Variants in NHS observed in about 807,000 individuals in gnomAD.
NHS encodes NHS actin remodeling regulator.
Under a neutral mutation model 72.5 loss-of-function variants are expected in NHS, and 5 were observed. The ratio of observed to expected loss-of-function variants is 0.07; its 90% CI spans 0.04 to 0.14. The LOEUF (loss-of-function observed/expected upper bound fraction) is 0.14, where lower values mean the gene tolerates loss of function less well. Ranked by LOEUF, NHS falls within the 10% of genes least tolerant of loss-of-function variation. NHS has a pLI of 1.00. For synonymous variants in NHS, 464 were observed against 547.7 expected (o/e 0.85, Z 2.13); for missense variants, 1,072 against 1,355.7 (o/e 0.79, Z 3.29).
intron 1 of NHS, among the ~76,000 whole-genome samples, chrX:17,655,202 G>A (rs774816786): frequency 5.4e-5 from 6 of 111,956 alleles, no homozygotes; most frequent in Non-Finnish European, 9.4e-5. Context: ...CACGGTCGGC[G>A]TTTCTGATTC....
At chrX:17,414,782 G>A (rs2064582665) in intron 1 of NHS, among the ~76,000 whole-genome samples, 1 of 111,623 alleles carries the variant, frequency 9.0e-6, no homozygotes, top group African/African-American at 3.3e-5. Flanking sequence ...CTCTGAAAAC[G>A]ATGAATTAGA....
intron 3 of NHS, among the ~76,000 whole-genome samples, chrX:17,704,231 T>C (rs1306318892): frequency 9.0e-6 from 1 of 110,749 alleles, no homozygotes; most frequent in African/African-American, 3.3e-5. Context: ...TGAGCCATGA[T>C]GGCACCATTG....
chrX:17,596,399 C>T (rs5909459), intron 1 of NHS, among the ~76,000 whole-genome samples: 39,053 of 110,964 alleles, frequency 0.35, 4,908 homozygotes, highest in East Asian at 0.66. Context: ...CAGACATGCC[C>T]AGATGGATAC....
intron 1 of NHS, among the ~76,000 whole-genome samples, chrX:17,463,935 C>A (rs1446436312): frequency 8.9e-6 from 1 of 112,336 alleles, no homozygotes; most frequent in Middle Eastern, 4.2e-3. Flanking sequence ...GCATTCCTTT[C>A]TCCTGGGTGT....
chrX:17,375,683 C>G lies in NHS; in HGVS notation c.-75C>G, dbSNP rs2064341446. On this transcript the variant is annotated 5_prime_UTR_variant, in exon 1 of 9. Coordinates refer to ENST00000676302, the MANE Select transcript of NHS (RefSeq NM_001291867.2). ...GCCGGACTCCTGCCCCCTCCCTGCT[C>G]AGGTGGGCGCGCCCGGTCTCCAGCT... 5 of 1,091,785 alleles carry G rather than the reference C, an allele frequency of 4.6e-6. No homozygotes were observed. In the Admixed American group the frequency reaches 1.3e-4, roughly 28 times the overall value. The allele number at this position is 1,091,785 out of a possible 1,213,427, so 90.0% of individuals were successfully genotyped here.
At chrX:17,706,290 A>G (rs752385707) in intron 3 of NHS, among the ~76,000 whole-genome samples, 2 of 111,852 alleles carry the variant, frequency 1.8e-5, no homozygotes, top group Admixed American at 9.5e-5. Context: ...TTGAGGAAAA[A>G]GGCATCAATG....
intron 1 of NHS, among the ~76,000 whole-genome samples, chrX:17,508,890 C>A (rs1024160292): frequency 2.7e-5 from 3 of 111,997 alleles, no homozygotes; most frequent in African/African-American, 9.8e-5. Context: ...GTTTTCATTT[C>A]TTTTGGGCAT....
chrX:17,723,745 G>GTGTGTGTGTGTGTA (rs2066420508), intron 5 of NHS, among the ~76,000 whole-genome samples: 1 of 93,258 alleles, frequency 1.1e-5, no homozygotes. Context: ...GTGTGTGTGT[G>GTGTGTGTGTGTGTA]TGTGTGTGTG....
intron 1 of NHS, among the ~76,000 whole-genome samples, chrX:17,384,763 G>T (rs752514347): frequency 9.3e-4 from 104 of 112,142 alleles, no homozygotes; most frequent in African/African-American, 3.0e-3. Context: ...CACTGATTTT[G>T]TATGACATTT....
At chrX:17,549,250 A>G (rs1007995208) in intron 1 of NHS, among the ~76,000 whole-genome samples, 2 of 110,098 alleles carry the variant, frequency 1.8e-5, no homozygotes, top group Non-Finnish European at 3.8e-5. Context: ...GTGGCTGTGA[A>G]TAACAGGCTT....
chrX:17,545,767 G>C (rs2065290005), intron 1 of NHS, among the ~76,000 whole-genome samples: 1 of 112,017 alleles, frequency 8.9e-6, no homozygotes, highest in African/African-American at 3.2e-5. Flanking sequence ...TCCTATTCAA[G>C]TCCAAGCGGA....
intron 1 of NHS, among the ~76,000 whole-genome samples, chrX:17,400,790 T>C (rs1362543808): frequency 9.0e-6 from 1 of 111,632 alleles, no homozygotes; most frequent in African/African-American, 3.3e-5. Context: ...AGATTCAACG[T>C]TTGCGAGATG....
At chrX:17,561,574 G>GCACACACA (rs530971006) in intron 1 of NHS, among the ~76,000 whole-genome samples, 3,364 of 65,339 alleles carry the variant, frequency 0.051, 100 homozygotes, top group South Asian at 0.084. Flanking sequence ...GCGCGCGCGC[G>GCACACACA]CACACACACA....
intron 1 of NHS, among the ~76,000 whole-genome samples, chrX:17,549,074 C>G (rs2065311931): frequency 1.2e-5 from 1 of 81,364 alleles, no homozygotes; most frequent in Admixed American, 1.6e-4. Flanking sequence ...GGTGGAGAGA[C>G]TGGAAGAAAG....
intron 1 of NHS, among the ~76,000 whole-genome samples, chrX:17,425,568 A>AAAAAAAAAG (rs2064651928): frequency 7.8e-5 from 6 of 77,069 alleles, no homozygotes; most frequent in East Asian, 4.3e-4. Context: ...AAAAAAAAAA[A>AAAAAAAAAG]AAAGAAAGAA....
chrX:17,401,905 C>T (rs1366798213), intron 1 of NHS, among the ~76,000 whole-genome samples: 1 of 111,898 alleles, frequency 8.9e-6, no homozygotes, highest in Non-Finnish European at 1.9e-5. Flanking sequence ...GGGGATTGGA[C>T]TTTAACATAT....
chrX:17,628,104 T>G (rs1403563748), intron 1 of NHS, among the ~76,000 whole-genome samples: 1 of 112,915 alleles, frequency 8.9e-6, no homozygotes, highest in Non-Finnish European at 1.9e-5. Context: ...GGGGCCCACA[T>G]GGCAGCTCCA....
chrX:17,495,155 G>A (rs1280750057), intron 1 of NHS, among the ~76,000 whole-genome samples: 1 of 111,729 alleles, frequency 9.0e-6, no homozygotes, highest in Non-Finnish European at 1.9e-5. Flanking sequence ...ATACTCCCCA[G>A]CCTTGCCTCA....
In NHS at chrX:17,611,919, T is replaced by C. The variant is rs183228267; in HGVS notation, c.566-75823T>C. 2.8e-4 allele frequency among the ~76,000 whole-genome samples: 31 copies of C among 111,988 alleles called. No homozygotes were observed. The East Asian group carries it at 5.9e-3, about 21-fold the overall frequency. ...TGCATTTGAAGAGAACCAGAATTTT[T>C]GGTACTTTTGGTAAAGAACTTTTGG... On this transcript the variant is annotated intron_variant, in intron 1 of 8. Transcript: ENST00000676302.
Sources: gnomAD v4.1 joint callset for allele counts (sites outside exome capture counted in the v4.1 genomes callset) on GRCh38, gnomAD v4.1.1 for gene constraint, MANE v1.5 for transcripts, NCBI Gene and HGNC (gene_info 2026-07-23, HGNC 2026-07-21) for gene names.